The following MAP2K2 variants were observed in gnomAD, a reference collection of about 807,000 sequenced individuals.
The protein encoded by MAP2K2 is mitogen-activated protein kinase kinase 2.
MAP2K2 carries 24 observed loss-of-function variants against 43.7 expected under a neutral mutation model. The ratio of observed to expected loss-of-function variants is 0.55; its 90% CI spans 0.40 to 0.77. The LOEUF (loss-of-function observed/expected upper bound fraction) is 0.77. Ranked by LOEUF, MAP2K2 falls within the 30% of genes least tolerant of loss-of-function variation. The probability of loss-of-function intolerance (pLI) is 0.00; values close to 1 mark genes in which losing one functional copy is unlikely to be tolerated. For missense variants in MAP2K2, 470 were observed against 566.8 expected, an observed-to-expected ratio of 0.83 and a Z score of 1.73; for synonymous variants, 244 against 239.7, an observed-to-expected ratio of 1.02 and a Z score of -0.17.
At chr19:4,108,831 G>GGGAAGACGA (rs917126685) in intron 3 of MAP2K2, among the ~76,000 whole-genome samples, 7 of 150,642 alleles carry the variant, frequency 4.6e-5, no homozygotes, top group Admixed American at 6.6e-5. Flanking sequence ...GAGGAGGAGG[G>GGGAAGACGA]GGAAGACGAG....
chr19:4,117,696 G>A, intron 1 of MAP2K2, 67 bp from the exon 2 acceptor site: 1 of 1,431,662 alleles, frequency 7.0e-7, no homozygotes, highest in Non-Finnish European at 9.8e-7. Flanking sequence ...TTGCTATGTG[G>A]CCGTGGTGCA....
chr19:4,095,202 G>C, intron 9 of MAP2K2, 186 bp downstream of exon 9: 1 of 593,226 alleles, frequency 1.7e-6, no homozygotes, highest in Middle Eastern at 3.3e-4. Context: ...AGGATGGCAT[G>C]GCAGCCGGGA....
Position 4,099,092 on chromosome 19 carries a change from G to T in MAP2K2, c.919+109C>A. The T allele has an allele frequency of 3.3e-6, 3 of 910,440 alleles. No individual in the cohort carries two copies. In the South Asian group the frequency reaches 4.6e-5, roughly 14 times the overall value. 56.4% of individuals were successfully genotyped at this position (910,440 alleles called of 1,614,324 possible). The stretch of plus-strand genomic sequence containing the variant: ...GACCACAGTCGGCACCATCCAGGGG[G>T]ACAGGTGGTGCGCCAGGGGCAGAGG... On this transcript the variant is annotated intron_variant, in intron 7 of 10. Coordinates refer to ENST00000262948, the MANE Select transcript of MAP2K2 (RefSeq NM_030662.4).
chr19:4,114,604 C>G (rs2041197641), intron 2 of MAP2K2, among the ~76,000 whole-genome samples: 1 of 152,230 alleles, frequency 6.6e-6, no homozygotes, highest in Non-Finnish European at 1.5e-5. Context: ...GGAGAGGGGT[C>G]AGAGGCCACG....
intron 6 of MAP2K2, chr19:4,100,700 C>A: frequency 2.3e-6 from 1 of 442,588 alleles, no homozygotes; most frequent in East Asian, 4.0e-5. Flanking sequence ...AAGGGGAATC[C>A]GAAAAGCAGG....
At chr19:4,105,204 G>GTGTGTGTGTGTGTGT (rs1244087024) in intron 3 of MAP2K2, among the ~76,000 whole-genome samples, 1 of 134,678 alleles carries the variant, frequency 7.4e-6, no homozygotes, top group African/African-American at 2.7e-5. Context: ...GTGTGTGTGT[G>GTGTGTGTGTGTGTGT]ATGTTTAAAA....
intron 2 of MAP2K2, among the ~76,000 whole-genome samples, chr19:4,116,749 G>A (rs908085433): frequency 6.6e-6 from 1 of 151,756 alleles, no homozygotes; most frequent in Non-Finnish European, 1.5e-5. Context: ...CCAACATGGC[G>A]AAACCCTGCC....
chr19:4,100,728 CT>C, intron 6 of MAP2K2: 1 of 528,168 alleles, frequency 1.9e-6, no homozygotes, highest in South Asian at 2.3e-5. Flanking sequence ...GAGGCACCAG[CT>C]TTAGACGTGC....
chr19:4,106,404 T>C (rs1429993516), intron 3 of MAP2K2, among the ~76,000 whole-genome samples: 1 of 152,132 alleles, frequency 6.6e-6, no homozygotes, highest in African/African-American at 2.4e-5. Flanking sequence ...GCCAATGCTA[T>C]GTTTATTTTA....
At chr19:4,111,349 T>C (rs562601212) in intron 2 of MAP2K2, among the ~76,000 whole-genome samples, 53 of 152,250 alleles carry the variant, frequency 3.5e-4, no homozygotes, top group African/African-American at 1.3e-3. Flanking sequence ...TCCCACTCAG[T>C]TGTAGTGGGA....
At chr19:4,117,046 G>A (rs1345256607) in intron 2 of MAP2K2, among the ~76,000 whole-genome samples, 1 of 152,246 alleles carries the variant, frequency 6.6e-6, no homozygotes, top group Non-Finnish European at 1.5e-5. Context: ...CCATCGCCCT[G>A]AGGTGGCTGT....
At chr19:4,095,924 A>G (rs528604154) in intron 8 of MAP2K2, among the ~76,000 whole-genome samples, 15 of 152,310 alleles carry the variant, frequency 9.8e-5, no homozygotes, top group African/African-American at 3.6e-4. Flanking sequence ...ACAGGTGCCC[A>G]CCACTGCGCC....
chr19:4,102,969 CTG>C (rs2041036601), intron 3 of MAP2K2: 12 of 1,104,972 alleles, frequency 1.1e-5, no homozygotes, highest in Non-Finnish European at 1.3e-5. Flanking sequence ...CGGCGGGTCG[CTG>C]TGTGCCCGTC....
chr19:4,117,389 C>T (rs2041235560), intron 2 of MAP2K2, 30 bp downstream of exon 2: 3 of 1,596,972 alleles, frequency 1.9e-6, no homozygotes, highest in Non-Finnish European at 2.6e-6. Flanking sequence ...CCCCACCACT[C>T]CCCGACCTCC....
Position 4,101,859 on chromosome 19 carries a change from C to A in MAP2K2, c.528+517G>T, listed in dbSNP as rs917750562. Among the ~76,000 whole-genome samples the A allele has an allele frequency of 2.0e-5, 3 of 152,164 alleles. No individual in the cohort carries two copies. The highest frequency in any genetic ancestry group is 1.3e-4 in the Admixed American group (2 of 15,272). On this transcript the variant is annotated intron_variant, in intron 4 of 10. Coordinates refer to ENST00000262948, the MANE Select transcript of MAP2K2 (RefSeq NM_030662.4). The surrounding 1 kb of genome is among the most constrained non-coding windows in gnomAD (Gnocchi z 6.3). ...ACTGGTATGGGCAGGCGGGACTCGG[C>A]CCCTGCTATGGACAAGGTGCAAGCT...
chr19:4,098,887 G>A (rs945369119), intron 7 of MAP2K2, among the ~76,000 whole-genome samples: 4 of 152,268 alleles, frequency 2.6e-5, no homozygotes, highest in Non-Finnish European at 5.9e-5. Flanking sequence ...CTGTGCGTTT[G>A]AATGCTTTCG....
At position 4,101,425 on chromosome 19, in the gene MAP2K2, G is replaced by A; in HGVS notation, c.529-145C>T. On this transcript the variant is annotated intron_variant, in intron 4 of 10. Coordinates refer to ENST00000262948, the MANE Select transcript of MAP2K2 (RefSeq NM_030662.4). The surrounding 1 kb of genome is among the most constrained non-coding windows in gnomAD (Gnocchi z 6.3). ...TTCAGGCTGTGAGGAGCTCGCTGGG[G>A]TGGAGCAAGCGAGGCCAGAGACGAG... The A allele has an allele frequency of 1.1e-6, 1 of 892,472 alleles. No individual in the cohort carries two copies. Among genetic ancestry groups the A allele is most frequent in the Non-Finnish European group, 1.8e-6 (1 of 550,472 alleles). The allele number at this position is 892,472 out of a possible 1,614,324, so 55.3% of individuals were successfully genotyped here.
At chr19:4,100,460 G>GAAA (rs2040989536) in intron 6 of MAP2K2, 2 of 97,414 alleles carry the variant, frequency 2.1e-5, no homozygotes, top group African/African-American at 8.8e-5. Context: ...AAAAAAGAAA[G>GAAA]AAACCTGGTA....
chr19:4,105,854 G>C (rs1267138251), intron 3 of MAP2K2, among the ~76,000 whole-genome samples: 1 of 151,824 alleles, frequency 6.6e-6, no homozygotes, highest in Non-Finnish European at 1.5e-5. Flanking sequence ...TGTAGAGACG[G>C]GGGTTCCTCA....
Sources: gnomAD v4.1 joint callset for allele counts (sites outside exome capture counted in the v4.1 genomes callset) on GRCh38, gnomAD v4.1.1 for gene constraint, Gnocchi (gnomAD v3.1) non-coding constraint, MANE v1.5 for transcripts, NCBI Gene and HGNC (gene_info 2026-07-23, HGNC 2026-07-21) for gene names.